The following PTDSS1 variants were observed in gnomAD, a reference collection of about 807,000 sequenced individuals.
The protein encoded by PTDSS1 is PSS-1.
A neutral mutation model predicts 70.5 loss-of-function variants in PTDSS1; 45 were observed. The ratio of observed to expected loss-of-function variants is 0.64; its 90% CI spans 0.50 to 0.82. The LOEUF is 0.82. Ranked by LOEUF, PTDSS1 falls within the 40% of genes least tolerant of loss-of-function variation. PTDSS1 has a pLI of 0.00. For synonymous variants in PTDSS1, 188 were observed against 203.8 expected, an observed-to-expected ratio of 0.92 and a Z score of 0.66; for missense variants, 417 against 586.1, an observed-to-expected ratio of 0.71 and a Z score of 2.98.
At chr8:96,294,253 T>C (rs777046240) in intron 4 of PTDSS1, among the ~76,000 whole-genome samples, 2 of 152,178 alleles carry the variant, frequency 1.3e-5, no homozygotes, top group Non-Finnish European at 2.9e-5. Context: ...TTAAAACTAT[T>C]ATAGTTTATA....
chr8:96,278,531 C>T (rs1263908480), intron 2 of PTDSS1, among the ~76,000 whole-genome samples: 2 of 152,190 alleles, frequency 1.3e-5, no homozygotes, highest in East Asian at 3.9e-4. Context: ...ACACTTCTCT[C>T]CTGCCCTCTT....
intron 10 of PTDSS1, among the ~76,000 whole-genome samples, chr8:96,323,351 C>A (rs1327420730): frequency 6.6e-6 from 1 of 152,250 alleles, no homozygotes; most frequent in Non-Finnish European, 1.5e-5. Flanking sequence ...GTGGCACTGC[C>A]CCTGTGGCAG....
chr8:96,314,718 T>A (rs1811260747), intron 9 of PTDSS1, among the ~76,000 whole-genome samples: 1 of 152,184 alleles, frequency 6.6e-6, no homozygotes, highest in Non-Finnish European at 1.5e-5. Context: ...TGCCTCAGCG[T>A]CCTGAGTAGC....
intron 4 of PTDSS1, among the ~76,000 whole-genome samples, chr8:96,293,947 G>C (rs1293673798): frequency 2.6e-5 from 4 of 152,192 alleles, no homozygotes; most frequent in Non-Finnish European, 5.9e-5. Flanking sequence ...TCTGTGACAA[G>C]AACGTGCTGT....
intron 8 of PTDSS1, among the ~76,000 whole-genome samples, chr8:96,306,813 G>C (rs1463620906): frequency 6.6e-6 from 1 of 152,052 alleles, no homozygotes; most frequent in Non-Finnish European, 1.5e-5. Flanking sequence ...TTACAGTCTT[G>C]GACTGCCGAT....
At chr8:96,291,999 G>A (rs936847440) in intron 4 of PTDSS1, among the ~76,000 whole-genome samples, 7 of 151,954 alleles carry the variant, frequency 4.6e-5, no homozygotes, top group African/African-American at 1.7e-4. Flanking sequence ...AGAAACCTGG[G>A]GCTGAGCATG....
chr8:96,327,137 T>C (rs1811449219), intron 10 of PTDSS1, among the ~76,000 whole-genome samples: 1 of 152,170 alleles, frequency 6.6e-6, no homozygotes, highest in South Asian at 2.1e-4. Context: ...GAAATTCTAA[T>C]CTGTCAATAA....
chr8:96,304,146 G>A lies in PTDSS1; in HGVS notation c.859G>A (p.Val287Ile), dbSNP rs778867009. 1.2e-6 allele frequency: 2 copies of A among 1,613,692 alleles called. No homozygotes were observed. Among genetic ancestry groups the A allele is most frequent in the East Asian group, 2.2e-5 (1 of 44,878 alleles). Reference protein sequence around the residue: ...WFDPKSSFQRVAGVYLFMIIW... With the variant: ...WFDPKSSFQRIAGVYLFMIIW... ...TGACCCCAAATCTTCTTTTCAGAGAGTAGCTGGAGTGTACCTTTTCATGAT... is the reference window on the plus strand; with the variant it reads ...TGACCCCAAATCTTCTTTTCAGAGAATAGCTGGAGTGTACCTTTTCATGAT... Residue 287 changes from valine (V) to isoleucine (I), a missense_variant, in exon 7 of 13, where the codon GTA becomes ATA. Transcript: ENST00000517309.
intron 2 of PTDSS1, among the ~76,000 whole-genome samples, chr8:96,283,031 A>T (rs572249108): frequency 2.0e-4 from 30 of 152,326 alleles, no homozygotes; most frequent in Non-Finnish European, 4.3e-4. Flanking sequence ...CCCCAGTGTC[A>T]CTTCTGCAAT....
chr8:96,333,935 A>C lies in PTDSS1; in HGVS notation c.*369A>C. ...AACATCTTCCTTCAGACGAGGCATTAACCCCATGGTTAATGGACTGGTCAC... is the reference window on the plus strand; with the variant it reads ...AACATCTTCCTTCAGACGAGGCATTCACCCCATGGTTAATGGACTGGTCAC... On this transcript the variant is annotated 3_prime_UTR_variant, in exon 13 of 13. Transcript: ENST00000517309. 1 of 577,218 alleles carries C rather than the reference A, an allele frequency of 1.7e-6. No individual in the cohort carries two copies. The highest frequency in any genetic ancestry group is 2.8e-5 in the East Asian group (1 of 35,366). 35.8% of individuals were successfully genotyped at this position (577,218 alleles called of 1,614,324 possible). A position where few individuals can be genotyped will look rare whatever the true frequency, so the allele number is the denominator to read the frequency against.
At chr8:96,298,330 A>C (rs1367757416) in intron 5 of PTDSS1, among the ~76,000 whole-genome samples, 1 of 152,204 alleles carries the variant, frequency 6.6e-6, no homozygotes, top group Non-Finnish European at 1.5e-5. Context: ...TTATCTTTGC[A>C]GTATTTATTA....
rs191964368 is a variant in PTDSS1, at chr8:96,288,904, C to G, written c.441+1758C>G. On this transcript the variant is annotated intron_variant, in intron 4 of 12. Transcript: ENST00000517309. ...TCAGCCTTCCAAAGTGCTGGAATTA[C>G]AGGTGTGAGCCACCACTACTGGCCC... Among the ~76,000 whole-genome samples the G allele has an allele frequency of 5.3e-3, 806 of 151,644 alleles. 2 individuals carry two copies. Among genetic ancestry groups the G allele is most frequent in the Non-Finnish European group, 6.5e-3 (438 of 67,906 alleles).
chr8:96,336,433 C>A lies in PTDSS1; in HGVS notation c.*2867C>A. On this transcript the variant is annotated 3_prime_UTR_variant, in exon 13 of 13. Transcript: ENST00000517309. ...TCATTGAGAAGTGGAGGAGGTTGGA[C>A]ACAGAAGGGGAGGCTAAACACAAGG... 6.6e-6 allele frequency: 1 copy of A among 151,766 alleles called. No homozygotes were observed. 9.4% of individuals were successfully genotyped at this position (151,766 alleles called of 1,614,324 possible).
At chr8:96,275,259 A>G (rs1475199604) in intron 2 of PTDSS1, among the ~76,000 whole-genome samples, 4 of 152,170 alleles carry the variant, frequency 2.6e-5, no homozygotes. Flanking sequence ...GGGCTCAGGC[A>G]ATCCTTCCGC....
Position 96,320,431 on chromosome 8 carries a change from G to A in PTDSS1, c.1173+86G>A, listed in dbSNP as rs532153466. On this transcript the variant is annotated intron_variant, in intron 10 of 12. Coordinates refer to ENST00000517309, the MANE Select transcript of PTDSS1 (RefSeq NM_014754.3). ...GAGGGGGGCAAAGAAACCCTCTTGT[G>A]TATCAAAGTTCCTTAGAAATTCATA... The A allele has an allele frequency of 2.4e-4, 281 of 1,179,760 alleles. 2 individuals are homozygous for A. In the South Asian group the frequency reaches 3.5e-3, roughly 15 times the overall value. The allele number at this position is 1,179,760 out of a possible 1,614,324, so 73.1% of individuals were successfully genotyped here.
chr8:96,326,195 AAAGACTTTCCCTGCCTTATCTACATG>A (rs558059655), intron 10 of PTDSS1, among the ~76,000 whole-genome samples: 210 of 152,256 alleles, frequency 1.4e-3, no homozygotes, highest in Non-Finnish European at 2.5e-3. Flanking sequence ...GCCTGATCTG[AAAGACTTTCCCTGCCTTATCTACATG>A]ATGAAACTGA....
chr8:96,324,618 T>G (rs1372771579), intron 10 of PTDSS1, among the ~76,000 whole-genome samples: 1 of 152,196 alleles, frequency 6.6e-6, no homozygotes. Flanking sequence ...AAACTCATCC[T>G]TTTTATCAGG....
At chr8:96,304,333 C>T in intron 7 of PTDSS1, 152 bp downstream of exon 7, 1 of 956,216 alleles carries the variant, frequency 1.0e-6, no homozygotes, top group Admixed American at 3.3e-5. Context: ...AATAATTAAG[C>T]AAAGTGATGT....
chr8:96,310,031 A>G (rs1811185168), intron 9 of PTDSS1, among the ~76,000 whole-genome samples: 1 of 151,634 alleles, frequency 6.6e-6, no homozygotes, highest in African/African-American at 2.4e-5. Flanking sequence ...GTTGAGGCTG[A>G]GGCAGGAGAA....
Sources: gnomAD v4.1 joint callset for allele counts (sites outside exome capture counted in the v4.1 genomes callset) on GRCh38, gnomAD v4.1.1 for gene constraint, MANE v1.5 for transcripts, NCBI Gene and HGNC (gene_info 2026-07-23, HGNC 2026-07-21) for gene names.